The following RANBP2 variants were observed in gnomAD, a reference collection of about 807,000 sequenced individuals.
RANBP2 encodes E3 SUMO-protein ligase RanBP2.
In RANBP2, 57 loss-of-function variants were observed where a neutral mutation model predicts 303.6. The ratio of observed to expected loss-of-function variants is 0.19; its 90% CI spans 0.15 to 0.23. The LOEUF is 0.23. RANBP2 is among the 10% of genes least tolerant of loss of function. The pLI is 1.00. For missense variants in RANBP2, 3,138 were observed against 3,780.8 expected, an observed-to-expected ratio of 0.83 and a Z score of 4.46; for synonymous variants, 1,167 against 1,301.5, an observed-to-expected ratio of 0.90 and a Z score of 2.23.
chr2:108,747,674 T>C lies in RANBP2; in HGVS notation c.1063+876T>C, dbSNP rs191120885. Among the ~76,000 whole-genome samples, 554 of 152,324 alleles carry C rather than the reference T, an allele frequency of 3.6e-3. 4 individuals carry two copies. The highest frequency in any genetic ancestry group is 0.014 in the Middle Eastern group (4 of 294). ...TAAAAATTGCCTGTATTTTTTTTAA[T>C]GTCTTTGATCTGGGCATCCCGAGGG... On this transcript the variant is annotated intron_variant, in intron 8 of 28. Coordinates refer to ENST00000283195, the MANE Select transcript of RANBP2 (RefSeq NM_006267.5).
chr2:108,964,720 C>T, the RANBP2 span, among the ~76,000 whole-genome samples: 1 of 152,228 alleles, frequency 6.6e-6, no homozygotes, highest in African/African-American at 2.4e-5. Context: ...AATCCACACT[C>T]TCCGTTACGC....
At chr2:108,979,782 T>C in the RANBP2 span, among the ~76,000 whole-genome samples, 1 of 152,044 alleles carries the variant, frequency 6.6e-6, no homozygotes, top group Non-Finnish European at 1.5e-5. Flanking sequence ...GCCAAATGGG[T>C]CCCTTGAATA....
At chr2:108,963,520 A>G in the RANBP2 span, among the ~76,000 whole-genome samples, 6 of 152,148 alleles carry the variant, frequency 3.9e-5, no homozygotes, top group Admixed American at 6.5e-5. Context: ...ATGTACCCCA[A>G]TGGTTTCGTC....
At chr2:109,171,349 C>T in the RANBP2 span, among the ~76,000 whole-genome samples, 1 of 152,126 alleles carries the variant, frequency 6.6e-6, no homozygotes, top group African/African-American at 2.4e-5. Flanking sequence ...AAGTTTTTGT[C>T]ATCTCTATAC....
chr2:109,078,087 T>TAC, the RANBP2 span, among the ~76,000 whole-genome samples: 2 of 9,308 alleles, frequency 2.1e-4, no homozygotes, highest in African/African-American at 3.6e-4. Context: ...AATATATATA[T>TAC]ATATATATAT....
chr2:108,853,239 C>G, the RANBP2 span, among the ~76,000 whole-genome samples: 1 of 152,076 alleles, frequency 6.6e-6, no homozygotes, highest in Non-Finnish European at 1.5e-5. Context: ...CAGATTTATT[C>G]CCTGCAATAA....
the RANBP2 span, chr2:108,873,646 T>A: frequency 7.6e-7 from 1 of 1,316,906 alleles, no homozygotes; most frequent in Non-Finnish European, 1.1e-6. Context: ...TGTGATCATT[T>A]AAACCAGGGG....
chr2:109,136,174 C>A, the RANBP2 span, among the ~76,000 whole-genome samples: 3 of 152,020 alleles, frequency 2.0e-5, no homozygotes, highest in South Asian at 6.2e-4. Context: ...TCCGTTTGAT[C>A]TGTATTTAAT....
the RANBP2 span, among the ~76,000 whole-genome samples, chr2:109,569,739 C>T: frequency 2.6e-5 from 4 of 152,140 alleles, no homozygotes; most frequent in South Asian, 8.3e-4. Flanking sequence ...TAATTGCTTG[C>T]ACAATAAACT....
intron 7 of RANBP2, among the ~76,000 whole-genome samples, chr2:108,742,302 T>C (rs1237289070): frequency 1.3e-5 from 2 of 151,864 alleles, no homozygotes; most frequent in Non-Finnish European, 2.9e-5. Context: ...CTGCCTAATA[T>C]AAATCTTTTT....
At chr2:108,932,670 A>G in the RANBP2 span, among the ~76,000 whole-genome samples, 10 of 152,286 alleles carry the variant, frequency 6.6e-5, no homozygotes, top group Non-Finnish European at 1.5e-4. Context: ...GACATGGACA[A>G]TCTTCTTTTC....
intron 1 of RANBP2, among the ~76,000 whole-genome samples, chr2:108,724,249 G>A (rs1174013452): frequency 1.3e-5 from 2 of 152,034 alleles, no homozygotes; most frequent in African/African-American, 2.4e-5. Context: ...TGCAACTTCC[G>A]CCTCCCGGGT....
chr2:108,803,495 C>T, the RANBP2 span, among the ~76,000 whole-genome samples: 3 of 152,058 alleles, frequency 2.0e-5, no homozygotes, highest in African/African-American at 7.2e-5. Flanking sequence ...CAGGCTGGAG[C>T]GCAGTGGCTA....
At chr2:109,145,380 C>T in the RANBP2 span, among the ~76,000 whole-genome samples, 2 of 152,300 alleles carry the variant, frequency 1.3e-5, no homozygotes, top group African/African-American at 4.8e-5. Context: ...TGAGCCCTGC[C>T]CCTCTCTTAT....
chr2:109,111,913 G>A, the RANBP2 span, among the ~76,000 whole-genome samples: 1 of 151,792 alleles, frequency 6.6e-6, no homozygotes, highest in African/African-American at 2.4e-5. Flanking sequence ...ATAGTTTACT[G>A]AGAATGATGA....
chr2:108,770,972 T>G (rs1677457200), intron 20 of RANBP2, among the ~76,000 whole-genome samples: 1 of 152,152 alleles, frequency 6.6e-6, no homozygotes, highest in Non-Finnish European at 1.5e-5. Context: ...GCATGCTTCA[T>G]GACTGGCTTG....
chr2:109,353,625 T>A, the RANBP2 span, among the ~76,000 whole-genome samples: 1 of 152,098 alleles, frequency 6.6e-6, no homozygotes, highest in Non-Finnish European at 1.5e-5. Flanking sequence ...AGTGCCTCTG[T>A]CTCCTCACCC....
At chr2:108,940,956 C>CGTG in the RANBP2 span, among the ~76,000 whole-genome samples, 1 of 152,072 alleles carries the variant, frequency 6.6e-6, no homozygotes, top group Non-Finnish European at 1.5e-5. Context: ...GTATATACAC[C>CGTG]CCCTGTGGCT....
At chr2:108,872,847 TAAAC>T in the RANBP2 span, among the ~76,000 whole-genome samples, 1 of 152,216 alleles carries the variant, frequency 6.6e-6, no homozygotes, top group Admixed American at 6.5e-5. Context: ...CATGTCCTCA[TAAAC>T]AAAATAATTT....
Sources: gnomAD v4.1 joint callset for allele counts (sites outside exome capture counted in the v4.1 genomes callset) on GRCh38, gnomAD v4.1.1 for gene constraint, MANE v1.5 for transcripts, NCBI Gene and HGNC (gene_info 2026-07-23, HGNC 2026-07-21) for gene names.